The following ZDHHC21 variants were observed in gnomAD, a reference collection of about 807,000 sequenced individuals.
The protein encoded by ZDHHC21 is zDHHC palmitoyltransferase 21, also known as palmitoyltransferase ZDHHC21.
A neutral mutation model predicts 34.6 loss-of-function variants in ZDHHC21; 15 were observed. That is an observed-to-expected ratio of 0.43 (90% CI 0.29 to 0.67). The LOEUF (loss-of-function observed/expected upper bound fraction) is 0.67, where lower values mean the gene tolerates loss of function less well. ZDHHC21 is among the 30% of genes least tolerant of loss of function. The probability of loss-of-function intolerance (pLI) is 0.14; values close to 1 mark genes in which losing one functional copy is unlikely to be tolerated. For missense variants in ZDHHC21, 344 were observed against 327.7 expected (o/e 1.05, Z -0.38); for synonymous variants, 142 against 101.8 (o/e 1.40, Z -2.38).
intron 3 of ZDHHC21, among the ~76,000 whole-genome samples, 176 bp from the exon 4 acceptor site, chr9:14,674,561 T>A (rs1180150905): frequency 6.6e-6 from 1 of 152,026 alleles, no homozygotes; most frequent in African/African-American, 2.4e-5. Flanking sequence ...CAATAAATAC[T>A]TGGGAAAACA....
downstream of ZDHHC21, among the ~76,000 whole-genome samples, chr9:14,610,022 T>C (rs1781480595): frequency 1.3e-5 from 2 of 150,612 alleles, no homozygotes; most frequent in Non-Finnish European, 3.0e-5. Flanking sequence ...CATAAAATCA[T>C]GGGTCTCTAA....
the ZDHHC21 span, among the ~76,000 whole-genome samples, chr9:14,597,798 A>C: frequency 6.6e-6 from 1 of 151,872 alleles, no homozygotes; most frequent in East Asian, 1.9e-4. Context: ...TCTGCTCACC[A>C]CCACCAGCAC....
intron 5 of ZDHHC21, among the ~76,000 whole-genome samples, chr9:14,665,223 C>A (rs1399686483): frequency 5.2e-5 from 7 of 134,546 alleles, no homozygotes; most frequent in African/African-American, 2.0e-4. Context: ...GGAGCCGATG[C>A]GATCAACTGG....
intron 2 of ZDHHC21, among the ~76,000 whole-genome samples, chr9:14,687,943 A>G (rs1308763947): frequency 6.6e-6 from 1 of 150,914 alleles, no homozygotes; most frequent in African/African-American, 2.5e-5. Flanking sequence ...TAGAAAGCAG[A>G]GTTACAGCTG....
the ZDHHC21 span, chr9:14,589,691 T>A: frequency 6.6e-6 from 1 of 152,320 alleles, no homozygotes; most frequent in Non-Finnish European, 1.5e-5. Flanking sequence ...TTGGAGACAT[T>A]CAAATTGAAC....
In ZDHHC21 at chr9:14,613,949, T is replaced by C. The variant is rs1823755948; in HGVS notation, c.*5017A>G. 1 of 151,800 alleles carries C rather than the reference T, an allele frequency of 6.6e-6. No homozygotes were observed. 9.4% of individuals were successfully genotyped at this position (151,800 alleles called of 1,614,324 possible). A position where few individuals can be genotyped will look rare whatever the true frequency, so the allele number is the denominator to read the frequency against. ...ACAATTATATTTAAAACTAAAATAT[T>C]TATAAAAGGCATCTGACCAACTGAA... On this transcript the variant is annotated 3_prime_UTR_variant, in exon 10 of 10. Coordinates refer to ENST00000380916, the MANE Select transcript of ZDHHC21 (RefSeq NM_178566.6).
At chr9:14,610,904 A>T (rs970500179), downstream of ZDHHC21, among the ~76,000 whole-genome samples, 6 of 152,158 alleles carry the variant, frequency 3.9e-5, no homozygotes, top group African/African-American at 1.4e-4. Context: ...TTGAATACTT[A>T]ATGAATTTTG....
At chr9:14,654,264 T>C (rs1831782037) in intron 7 of ZDHHC21, among the ~76,000 whole-genome samples, 1 of 151,964 alleles carries the variant, frequency 6.6e-6, no homozygotes, top group East Asian at 1.9e-4. Flanking sequence ...CCTTACAAAA[T>C]ACCAATAAAT....
intron 8 of ZDHHC21, among the ~76,000 whole-genome samples, chr9:14,628,569 T>C (rs1389693209): frequency 1.0e-5 from 1 of 99,638 alleles, no homozygotes; most frequent in Non-Finnish European, 2.0e-5. Flanking sequence ...CTAGGATCTT[T>C]AGGGTGCAAG....
At chr9:14,605,861 CTA>C in the ZDHHC21 span, among the ~76,000 whole-genome samples, 38 of 152,038 alleles carry the variant, frequency 2.5e-4, no homozygotes, top group Admixed American at 2.5e-3. Context: ...TAGTTTCTCA[CTA>C]TACAATATTA....
At chr9:14,602,073 C>T in the ZDHHC21 span, among the ~76,000 whole-genome samples, 6 of 151,992 alleles carry the variant, frequency 3.9e-5, no homozygotes, top group East Asian at 1.2e-3. Context: ...GTGCAGCAAA[C>T]CACCATGGCA....
chr9:14,673,338 A>C (rs899025564), intron 4 of ZDHHC21, among the ~76,000 whole-genome samples: 8 of 151,950 alleles, frequency 5.3e-5, no homozygotes, highest in Non-Finnish European at 8.8e-5. Flanking sequence ...CTTCAATATT[A>C]CTCTGAATTA....
At chr9:14,610,024 G>C (rs955126505), downstream of ZDHHC21, among the ~76,000 whole-genome samples, 3 of 149,772 alleles carry the variant, frequency 2.0e-5, no homozygotes, top group East Asian at 2.0e-4. Context: ...TAAAATCATG[G>C]GTCTCTAAAC....
rs1327541938 is a variant in ZDHHC21 at position 14,612,364 on chromosome 9, T to C, written c.*6602A>G. On this transcript the variant is annotated 3_prime_UTR_variant, in exon 10 of 10. Coordinates refer to ENST00000380916, the MANE Select transcript of ZDHHC21 (RefSeq NM_178566.6). ...ACTGTCACCTTCTTGCCAGAATGAT[T>C]AACCATTTTAGCTGCAGTTGTAAGG... 1 of 152,018 alleles carries C rather than the reference T, an allele frequency of 6.6e-6. No individual in the cohort carries two copies. Among genetic ancestry groups the C allele is most frequent in the African/African-American group, 2.4e-5 (1 of 41,428 alleles). 9.4% of individuals were successfully genotyped at this position (152,018 alleles called of 1,614,324 possible).
intron 7 of ZDHHC21, among the ~76,000 whole-genome samples, chr9:14,652,651 A>G (rs1435933127): frequency 6.6e-6 from 1 of 151,922 alleles, no homozygotes; most frequent in Non-Finnish European, 1.5e-5. Flanking sequence ...GAAGAAAATC[A>G]GGCTCCCAAT....
At chr9:14,692,572 C>T (rs543698574) in intron 1 of ZDHHC21, among the ~76,000 whole-genome samples, 16 of 145,702 alleles carry the variant, frequency 1.1e-4, no homozygotes, top group Non-Finnish European at 1.8e-4. Context: ...TAAAATGTGA[C>T]CCACATATAG....
In ZDHHC21 at chr9:14,678,057, C is replaced by G. The variant is rs369939104; in HGVS notation, c.-46+1976G>C. Among the ~76,000 whole-genome samples the G allele has an allele frequency of 4.6e-5, 7 of 152,064 alleles. No individual in the cohort carries two copies. The East Asian group carries it at 1.3e-3, about 29-fold the overall frequency. On this transcript the variant is annotated intron_variant, in intron 3 of 9. Coordinates refer to ENST00000380916, the MANE Select transcript of ZDHHC21 (RefSeq NM_178566.6). Reference sequence around the variant, plus strand: ...ACTGTTCGACGATATTCCATCCATGCCTCCTGTCTGAAATGTGCCTACCAT... The same window carrying G: ...ACTGTTCGACGATATTCCATCCATGGCTCCTGTCTGAAATGTGCCTACCAT...
intron 5 of ZDHHC21, among the ~76,000 whole-genome samples, chr9:14,668,220 G>C (rs1834834600): frequency 7.3e-6 from 1 of 136,398 alleles, no homozygotes; most frequent in Non-Finnish European, 1.6e-5. Flanking sequence ...GACAAACAGA[G>C]AGCCAAATCA....
rs1587434907 is a variant in ZDHHC21 at position 14,680,147 on chromosome 9, A to C, written c.-160T>G. 1 of 152,668 alleles carries C rather than the reference A, an allele frequency of 6.6e-6. No homozygotes were observed. The allele number at this position is 152,668 out of a possible 1,614,324, so 9.5% of individuals were successfully genotyped here. A position where few individuals can be genotyped will look rare whatever the true frequency, so the allele number is the denominator to read the frequency against. ...ACCAAATGGATCTCTCTTCAATAAC[A>C]GTTCTCCATGAGAACCTATTCATGG... On this transcript the variant is annotated 5_prime_UTR_variant, in exon 3 of 10. Coordinates refer to ENST00000380916, the MANE Select transcript of ZDHHC21 (RefSeq NM_178566.6).
Sources: gnomAD v4.1 joint callset for allele counts (sites outside exome capture counted in the v4.1 genomes callset) on GRCh38, gnomAD v4.1.1 for gene constraint, MANE v1.5 for transcripts, NCBI Gene and HGNC (gene_info 2026-07-23, HGNC 2026-07-21) for gene names.